Variants in PRR7 observed in about 807,000 individuals in gnomAD.
The protein encoded by PRR7 is proline-rich protein 7.
A neutral mutation model predicts 18.5 loss-of-function variants in PRR7; 8 were observed. The observed-to-expected ratio is 0.43, with a 90% CI of 0.25 to 0.78. PRR7 has a LOEUF of 0.78. Among genes scored for constraint, PRR7 ranks in the 30% least tolerant of loss-of-function variants. PRR7 has a pLI of 0.22. For synonymous variants in PRR7, 221 were observed against 187.7 expected (o/e 1.18, Z -1.45); for missense variants, 396 against 403.1 (o/e 0.98, Z 0.15).
intron 1 of PRR7, among the ~76,000 whole-genome samples, chr5:177,452,617 G>T (rs1756215891): frequency 6.6e-6 from 1 of 152,192 alleles, no homozygotes; most frequent in Non-Finnish European, 1.5e-5. Context: ...ACTCCACCTG[G>T]GGGTGGAGCC....
chr5:177,452,545 C>T (rs1169141569), intron 1 of PRR7, among the ~76,000 whole-genome samples: 1 of 152,214 alleles, frequency 6.6e-6, no homozygotes, highest in African/African-American at 2.4e-5. Flanking sequence ...GACAGGATTC[C>T]AGTCCCGTGG....
upstream of PRR7, chr5:177,446,479 G>C (rs930171642): frequency 6.6e-6 from 1 of 152,492 alleles, no homozygotes; most frequent in African/African-American, 2.4e-5. This position sits in a 1 kb window ranked among gnomAD's most constrained non-coding sequence, Gnocchi z 5.3. Flanking sequence ...TCTCCGAGCT[G>C]AGCTGTGTGC....
chr5:177,452,174 A>C (rs1027023023), intron 1 of PRR7, among the ~76,000 whole-genome samples: 1 of 152,214 alleles, frequency 6.6e-6, no homozygotes, highest in African/African-American at 2.4e-5. Context: ...GAACGTGAGT[A>C]ATCAAATGGC....
At position 177,455,526 on chromosome 5, in the gene PRR7, G is replaced by C; in HGVS notation, c.427+32G>C. On this transcript the variant is annotated intron_variant, in intron 3 of 3. Coordinates refer to ENST00000323249, the MANE Select transcript of PRR7 (RefSeq NM_030567.5). The surrounding 1 kb of genome is among the most constrained non-coding windows in gnomAD (Gnocchi z 6.9). ...ACCGACCTCCGCCAGGGGGCGATCC[G>C]GGCCGCCGGAAGTGGGCGGGCGTTG... is the stretch of plus-strand genomic sequence containing the variant. The C allele has an allele frequency of 6.9e-7, 1 of 1,449,492 alleles. No homozygotes were observed. Among genetic ancestry groups the C allele is most frequent in the South Asian group, 1.4e-5 (1 of 71,386 alleles). The allele number at this position is 1,449,492 out of a possible 1,614,324, so 89.8% of individuals were successfully genotyped here.
At chr5:177,453,836 G>A (rs1386965909) in intron 1 of PRR7, 120 bp from the exon 2 acceptor site, 2 of 152,278 alleles carry the variant, frequency 1.3e-5, no homozygotes, top group Non-Finnish European at 2.9e-5. Context: ...AAAGGCTTTC[G>A]TTCAAACCTG....
At chr5:177,447,578 C>A in intron 1 of PRR7, 1 of 150,948 alleles carries the variant, frequency 6.6e-6, no homozygotes, top group Admixed American at 6.6e-5. Context: ...GCCGCCACCA[C>A]CTAATCGCGC....
chr5:177,454,864 C>T lies in PRR7; in HGVS notation c.-204C>T, dbSNP rs1756331334. ...GCCCCGGGTGAGGCACGCCCGCGCG[C>T]CCGCCGGCGCCATGGGAAGGAGCGG... On this transcript the variant is annotated 5_prime_UTR_variant, in exon 3 of 4. Coordinates refer to ENST00000323249, the MANE Select transcript of PRR7 (RefSeq NM_030567.5). This position sits in a 1 kb window ranked among gnomAD's most constrained non-coding sequence, Gnocchi z 4.7. 3.4e-6 allele frequency: 2 copies of T among 583,066 alleles called. No homozygotes were observed. The highest frequency in any genetic ancestry group is 1.7e-4 in the South Asian group (2 of 11,492). The allele number at this position is 583,066 out of a possible 1,614,324, so 36.1% of individuals were successfully genotyped here. A position where few individuals can be genotyped will look rare whatever the true frequency, so the allele number is the denominator to read the frequency against.
In PRR7 at chr5:177,455,837, G is replaced by C. The variant is rs756823321; in HGVS notation, c.541G>C (p.Val181Leu). The C allele has an allele frequency of 6.2e-7, 1 of 1,612,138 alleles. No homozygotes were observed. The highest frequency in any genetic ancestry group is 8.5e-7 in the Non-Finnish European group (1 of 1,179,744). The stretch of plus-strand genomic sequence containing the variant: ...CACGCGCGGCCTCTACCGCAAGATC[G>C]TCACGCCCTTCCTGAGTCGCCGCGA... ...TDTRGLYRKIVTPFLSRRDSA... is the reference protein window; with the variant it reads ...TDTRGLYRKILTPFLSRRDSA... Residue 181 changes from valine to leucine, a missense_variant, in exon 4 of 4, where the codon GTC becomes CTC. Val to Leu is a conservative substitution (Grantham distance 32, BLOSUM62 1). Transcript: ENST00000323249. This position sits in a 1 kb window ranked among gnomAD's most constrained non-coding sequence, Gnocchi z 6.9.
At position 177,455,842 on chromosome 5, in the gene PRR7, G is replaced by A. The variant is rs542051644; in HGVS notation, c.546G>A (p.Thr182=). The change falls in exon 4 of 4, where the codon ACG becomes ACA. Residue 182 remains threonine (T), a synonymous_variant. Coordinates refer to ENST00000323249, the MANE Select transcript of PRR7 (RefSeq NM_030567.5). This position sits in a 1 kb window ranked among gnomAD's most constrained non-coding sequence, Gnocchi z 6.9. ...DTRGLYRKIV[T]PFLSRRDSAE... is the part of the protein sequence containing the mutation. ...GCGGCCTCTACCGCAAGATCGTCACGCCCTTCCTGAGTCGCCGCGACAGCG... is the reference window on the plus strand; with the variant it reads ...GCGGCCTCTACCGCAAGATCGTCACACCCTTCCTGAGTCGCCGCGACAGCG... The A allele has an allele frequency of 1.2e-6, 2 of 1,612,102 alleles. No individual in the cohort carries two copies. The highest frequency in any genetic ancestry group is 1.3e-5 in the African/African-American group (1 of 75,024).
In PRR7 at chr5:177,450,102, G is replaced by A. The variant is rs1756112723; in HGVS notation, c.-325+3142G>A. The stretch of plus-strand genomic sequence containing the variant: ...ATCCTTGTCTGTAGAGAGAACAGCA[G>A]CCACCTCCTGAGTTTTCCTTAGATA... On this transcript the variant is annotated intron_variant, in intron 1 of 3. Coordinates refer to ENST00000323249, the MANE Select transcript of PRR7 (RefSeq NM_030567.5). The surrounding 1 kb of genome is among the most constrained non-coding windows in gnomAD (Gnocchi z 6.6). Among the ~76,000 whole-genome samples the A allele has an allele frequency of 6.6e-6, 1 of 152,148 alleles. No homozygotes were observed. Among genetic ancestry groups the A allele is most frequent in the South Asian group, 2.1e-4 (1 of 4,822 alleles).
chr5:177,453,658 T>C (rs946656095), intron 1 of PRR7, among the ~76,000 whole-genome samples: 4 of 152,078 alleles, frequency 2.6e-5, no homozygotes, highest in South Asian at 2.1e-4. Context: ...GTGGGGCTCC[T>C]GGAAGAGGCC....
rs1756365150 is a variant in PRR7 at position 177,455,388 on chromosome 5, G to A, written c.321G>A (p.Ala107=). The A allele has an allele frequency of 1.3e-6, 2 of 1,495,522 alleles. No homozygotes were observed. Among genetic ancestry groups the A allele is most frequent in the Non-Finnish European group, 1.8e-6 (2 of 1,129,514 alleles). 92.6% of individuals were successfully genotyped at this position (1,495,522 alleles called of 1,614,324 possible). A position where few individuals can be genotyped will look rare whatever the true frequency, so the allele number is the denominator to read the frequency against. ...HVHPLLHHGP[A]QPHAHAHPHP... ...ACCCGCTGCTGCACCACGGGCCCGC[G>A]CAGCCGCACGCGCACGCGCACCCAC... The change falls in exon 3 of 4, where the codon GCG becomes GCA. Residue 107 remains alanine (A), a synonymous_variant. Transcript: ENST00000323249. The surrounding 1 kb of genome is among the most constrained non-coding windows in gnomAD (Gnocchi z 6.9).
chr5:177,455,788 G>A lies in PRR7; in HGVS notation c.492G>A (p.Pro164=). The A allele has an allele frequency of 6.2e-7, 1 of 1,611,052 alleles. No homozygotes were observed. Among genetic ancestry groups the A allele is most frequent in the Admixed American group, 1.7e-5 (1 of 59,972 alleles). The change falls in exon 4 of 4, where the codon CCG becomes CCA. Residue 164 remains proline (P), a synonymous_variant. Transcript: ENST00000323249. The surrounding 1 kb of genome is among the most constrained non-coding windows in gnomAD (Gnocchi z 6.9). The part of the protein sequence containing the change: ...EEAVLMAEPP[P]PYSEVLTDTR... The stretch of plus-strand genomic sequence containing the variant: ...CGGTGCTGATGGCAGAGCCGCCGCC[G>A]CCCTATAGCGAGGTGCTCACGGACA...
Position 177,455,457 on chromosome 5 carries a change from G to C in PRR7, c.390G>C (p.Leu130=), listed in dbSNP as rs781647257. 3 of 1,505,948 alleles carry C rather than the reference G, an allele frequency of 2.0e-6. No homozygotes were observed. The highest frequency in any genetic ancestry group is 2.7e-5 in the East Asian group (1 of 36,838). The allele number at this position is 1,505,948 out of a possible 1,614,324, so 93.3% of individuals were successfully genotyped here. ...HALPHPPPTH[L]SVPPRPWSYP... is the part of the protein sequence containing the mutation. Reference sequence around the variant, plus strand: ...TCCCGCACCCGCCGCCTACGCACCTGTCGGTGCCGCCACGGCCCTGGAGCT... The same window carrying C: ...TCCCGCACCCGCCGCCTACGCACCTCTCGGTGCCGCCACGGCCCTGGAGCT... The change falls in exon 3 of 4, where the codon CTG becomes CTC. Residue 130 remains leucine (L), a synonymous_variant. Transcript: ENST00000323249. The surrounding 1 kb of genome is among the most constrained non-coding windows in gnomAD (Gnocchi z 6.9).
Position 177,455,234 on chromosome 5 carries a change from T to C in PRR7, c.167T>C (p.Leu56Pro), listed in dbSNP as rs768482612. The change falls in exon 3 of 4, where the codon CTG (leucine) becomes CCG (proline). Residue 56 changes from leucine to proline, a missense_variant. Leu to Pro is a moderately conservative substitution (Grantham distance 98). Coordinates refer to ENST00000323249, the MANE Select transcript of PRR7 (RefSeq NM_030567.5). The surrounding 1 kb of genome is among the most constrained non-coding windows in gnomAD (Gnocchi z 6.9). The part of the protein sequence containing the change: ...LREQNLRALE[L>P]EPLELEGSLA... ...GAGCAGAACCTGCGCGCCCTAGAGC[T>C]GGAGCCCCTCGAACTCGAGGGCAGT... 6.4e-7 allele frequency: 1 copy of C among 1,563,956 alleles called. No individual in the cohort carries two copies. The highest frequency in any genetic ancestry group is 1.8e-5 in the Admixed American group (1 of 55,482).
rs756374680 is a variant in PRR7, at chr5:177,455,186, G to A, written c.119G>A (p.Arg40Gln). 1 of 1,571,268 alleles carries A rather than the reference G, an allele frequency of 6.4e-7. No homozygotes were observed. The highest frequency in any genetic ancestry group is 8.6e-7 in the Non-Finnish European group (1 of 1,164,508). The change falls in exon 3 of 4, where the codon CGG (arginine) becomes CAG (glutamine). Residue 40 changes from arginine (R) to glutamine (Q), a missense_variant. Physicochemically the swap from Arg to Gln is conservative, Grantham distance 43. This residue lies in a region of PRR7 where 383 missense variants were observed against 372.6 expected (regional missense o/e 1.03). Coordinates refer to ENST00000323249, the MANE Select transcript of PRR7 (RefSeq NM_030567.5). The surrounding 1 kb of genome is among the most constrained non-coding windows in gnomAD (Gnocchi z 6.9). ...FCSFLRRRLK[R>Q]RQEERLREQN... ...AGCTTCCTGCGCCGCCGCCTCAAACGGCGCCAGGAGGAGCGACTGCGCGAG... is the reference window on the plus strand; with the variant it reads ...AGCTTCCTGCGCCGCCGCCTCAAACAGCGCCAGGAGGAGCGACTGCGCGAG...
rs1413791228 is a variant in PRR7, at chr5:177,455,445, G to T, written c.378G>T (p.Pro126=). 10 of 1,505,158 alleles carry T rather than the reference G, an allele frequency of 6.6e-6. No homozygotes were observed. The highest frequency in any genetic ancestry group is 1.5e-5 in the African/African-American group (1 of 68,866). The allele number at this position is 1,505,158 out of a possible 1,614,324, so 93.2% of individuals were successfully genotyped here. ...ACCACCACGCGCTCCCGCACCCGCC[G>T]CCTACGCACCTGTCGGTGCCGCCAC... The part of the protein sequence containing the change: ...HPHHHALPHP[P]PTHLSVPPRP... The change falls in exon 3 of 4, where the codon CCG becomes CCT. Residue 126 remains proline, a synonymous_variant. Coordinates refer to ENST00000323249, the MANE Select transcript of PRR7 (RefSeq NM_030567.5). This position sits in a 1 kb window ranked among gnomAD's most constrained non-coding sequence, Gnocchi z 6.9.
In PRR7 at chr5:177,449,487, G is replaced by A. The variant is rs1402979853; in HGVS notation, c.-325+2527G>A. Among the ~76,000 whole-genome samples, 1 of 150,562 alleles carries A rather than the reference G, an allele frequency of 6.6e-6. No individual in the cohort carries two copies. Among genetic ancestry groups the A allele is most frequent in the Non-Finnish European group, 1.5e-5 (1 of 67,568 alleles). On this transcript the variant is annotated intron_variant, in intron 1 of 3. Coordinates refer to ENST00000323249, the MANE Select transcript of PRR7 (RefSeq NM_030567.5). This position sits in a 1 kb window ranked among gnomAD's most constrained non-coding sequence, Gnocchi z 4.2. ...AGATTTGAGCTCAGGCCTACCCCTC[G>A]GCACTCTGCATGTTACCCAGGCTGC... is the stretch of plus-strand genomic sequence containing the variant.
Position 177,455,298 on chromosome 5 carries a change from A to G in PRR7, c.231A>G (p.Pro77=). The change falls in exon 3 of 4, where the codon CCA becomes CCG. Residue 77 remains proline (P), a synonymous_variant. Coordinates refer to ENST00000323249, the MANE Select transcript of PRR7 (RefSeq NM_030567.5). This position sits in a 1 kb window ranked among gnomAD's most constrained non-coding sequence, Gnocchi z 6.9. The part of the protein sequence containing the change: ...GSPPGLAPPQ[P]PPHRSRLEAP... Reference sequence around the variant, plus strand: ...CCCCGGGCCTGGCGCCGCCGCAGCCACCACCACACCGTAGCCGCCTGGAGG... The same window carrying G: ...CCCCGGGCCTGGCGCCGCCGCAGCCGCCACCACACCGTAGCCGCCTGGAGG... 1 of 1,491,624 alleles carries G rather than the reference A, an allele frequency of 6.7e-7. No individual in the cohort carries two copies. The highest frequency in any genetic ancestry group is 8.8e-7 in the Non-Finnish European group (1 of 1,130,450). 92.4% of individuals were successfully genotyped at this position (1,491,624 alleles called of 1,614,324 possible).
Sources: gnomAD v4.1 joint callset for allele counts (sites outside exome capture counted in the v4.1 genomes callset) on GRCh38, gnomAD v4.1.1 for gene constraint, gnomAD v4.1.1 regional missense constraint, Gnocchi (gnomAD v3.1) non-coding constraint, MANE v1.5 for transcripts, NCBI Gene and HGNC (gene_info 2026-07-23, HGNC 2026-07-21) for gene names.